MEI4: variants seen among roughly 807,000 people sequenced by gnomAD.
The protein encoded by MEI4 is meiosis-specific protein MEI4.
In MEI4, 27 loss-of-function variants were observed where a neutral mutation model predicts 31.4. That is an observed-to-expected ratio of 0.86 (90% CI 0.63 to 1.19). MEI4 has a LOEUF of 1.19. MEI4 is among the 50% of genes most tolerant of loss of function. The probability of loss-of-function intolerance (pLI) is 0.00; values close to 1 mark genes in which losing one functional copy is unlikely to be tolerated. For synonymous variants in MEI4, 122 were observed against 145.4 expected (o/e 0.84, Z 1.16); for missense variants, 329 against 398.9 (o/e 0.82, Z 1.49).
Position 77,761,121 on chromosome 6 carries a change from A to C in MEI4, c.233-9A>C. 1.6e-6 allele frequency: 2 copies of C among 1,231,558 alleles called. No homozygotes were observed. The highest frequency in any genetic ancestry group is 2.0e-6 in the Non-Finnish European group (2 of 987,572). 76.3% of individuals were successfully genotyped at this position (1,231,558 alleles called of 1,614,324 possible). On this transcript the variant is annotated splice_polypyrimidine_tract_variant and intron_variant, in intron 2 of 4. Coordinates refer to ENST00000684080, the MANE Select transcript of MEI4 (RefSeq NM_001322247.2). ...ATGAAGATAATCCTTCTATTCCTTT[A>C]TTTTTCAGGATACGTTTCCTCCCAG...
intron 4 of MEI4, among the ~76,000 whole-genome samples, chr6:77,910,990 G>T (rs1766422653): frequency 7.3e-6 from 1 of 137,238 alleles, no homozygotes; most frequent in Admixed American, 7.6e-5. Context: ...GGATCACATT[G>T]TAGTTTTTAT....
intron 4 of MEI4, among the ~76,000 whole-genome samples, chr6:77,903,144 T>C (rs965907985): frequency 1.3e-5 from 2 of 152,148 alleles, no homozygotes; most frequent in African/African-American, 4.8e-5. Flanking sequence ...TATTTCCTTT[T>C]TTTCTTTCTT....
At chr6:77,743,652 G>A (rs1186849734) in intron 2 of MEI4, among the ~76,000 whole-genome samples, 1 of 152,152 alleles carries the variant, frequency 6.6e-6, no homozygotes, top group Non-Finnish European at 1.5e-5. Flanking sequence ...CTGAGAACAG[G>A]CAGACTGCCT....
chr6:77,842,262 C>T (rs977585651), intron 4 of MEI4, among the ~76,000 whole-genome samples: 4 of 152,026 alleles, frequency 2.6e-5, no homozygotes, highest in Non-Finnish European at 5.9e-5. Context: ...AGGAGTACAT[C>T]TAGAAAACCC....
intron 4 of MEI4, among the ~76,000 whole-genome samples, chr6:77,833,999 A>G (rs914747340): frequency 6.6e-6 from 1 of 152,164 alleles, no homozygotes; most frequent in African/African-American, 2.4e-5. Flanking sequence ...TCCATGGTGT[A>G]TATGTGCCAC....
intron 3 of MEI4, among the ~76,000 whole-genome samples, chr6:77,815,871 C>A (rs753777180): frequency 9.9e-5 from 15 of 150,938 alleles, no homozygotes; most frequent in Non-Finnish European, 1.8e-4. Flanking sequence ...AAGAACATGA[C>A]TTGAATCCTT....
chr6:77,676,155 G>C (rs1227079853), intron 1 of MEI4, among the ~76,000 whole-genome samples: 2 of 152,062 alleles, frequency 1.3e-5, no homozygotes, highest in African/African-American at 4.8e-5. Context: ...CTTACAAGGA[G>C]AGATCCTCAT....
rs1004651984 is a variant in MEI4 at position 77,780,820 on chromosome 6, G to A, written c.768+19155G>A. Among the ~76,000 whole-genome samples the A allele has an allele frequency of 2.6e-3, 397 of 152,072 alleles. 5 individuals are homozygous for A. Among genetic ancestry groups the A allele is most frequent in the Non-Finnish European group, 4.3e-4 (29 of 68,010 alleles). On this transcript the variant is annotated intron_variant, in intron 3 of 4. Coordinates refer to ENST00000684080, the MANE Select transcript of MEI4 (RefSeq NM_001322247.2). ...TTGATGAGTATCTAATGTCTCTTCT[G>A]TTAAAAGTGTATGTCAGGATCATCA...
chr6:77,805,732 G>T (rs1376713883), intron 3 of MEI4, among the ~76,000 whole-genome samples: 1 of 151,996 alleles, frequency 6.6e-6, no homozygotes, highest in Non-Finnish European at 1.5e-5. Context: ...ATAGATTAAG[G>T]ATAATGTATT....
chr6:77,904,452 C>T (rs1766249204), intron 4 of MEI4, among the ~76,000 whole-genome samples: 2 of 152,088 alleles, frequency 1.3e-5, no homozygotes, highest in South Asian at 2.1e-4. Context: ...GCAATCCTCA[C>T]TCTACTCCCA....
At chr6:77,698,527 A>C (rs1178222748) in intron 2 of MEI4, among the ~76,000 whole-genome samples, 4 of 152,112 alleles carry the variant, frequency 2.6e-5, no homozygotes, top group African/African-American at 9.7e-5. Flanking sequence ...TTGCTTATGA[A>C]ACTTAGTTTG....
intron 3 of MEI4, among the ~76,000 whole-genome samples, chr6:77,795,867 A>G (rs1019637354): frequency 2.0e-5 from 3 of 152,150 alleles, no homozygotes; most frequent in Non-Finnish European, 4.4e-5. Context: ...TCATTTTTCC[A>G]AAATTTGAAG....
intron 3 of MEI4, among the ~76,000 whole-genome samples, chr6:77,797,112 G>A (rs928024983): frequency 2.6e-5 from 4 of 152,104 alleles, no homozygotes; most frequent in African/African-American, 7.2e-5. Context: ...TTTAATAAAC[G>A]GTGTTGGGAA....
intron 2 of MEI4, among the ~76,000 whole-genome samples, chr6:77,695,890 C>A (rs545142830): frequency 6.6e-6 from 1 of 151,958 alleles, no homozygotes; most frequent in East Asian, 1.9e-4. Flanking sequence ...TTCTTCCTAC[C>A]CATGAGCATG....
intron 1 of MEI4, among the ~76,000 whole-genome samples, chr6:77,665,254 G>C (rs117130182): frequency 0.063 from 9,550 of 151,486 alleles, 447 homozygotes; most frequent in Non-Finnish European, 0.1. Flanking sequence ...TATGAGGTAG[G>C]GGTGCGGAAA....
intron 1 of MEI4, among the ~76,000 whole-genome samples, chr6:77,663,322 G>GA (rs1183593598): frequency 1.3e-5 from 2 of 152,110 alleles, no homozygotes; most frequent in Admixed American, 6.5e-5. Flanking sequence ...GGGTAAGGGT[G>GA]ATTAGGTTTT....
chr6:77,909,673 A>C (rs1229416611), intron 4 of MEI4, among the ~76,000 whole-genome samples: 5 of 152,142 alleles, frequency 3.3e-5, no homozygotes, highest in African/African-American at 9.7e-5. Flanking sequence ...ATTCCAATCA[A>C]TAGAAAAAGA....
At chr6:77,663,915 C>A (rs1158491941) in intron 1 of MEI4, among the ~76,000 whole-genome samples, 1 of 152,160 alleles carries the variant, frequency 6.6e-6, no homozygotes, top group Non-Finnish European at 1.5e-5. Flanking sequence ...GTGAGTTGAA[C>A]AGTCCGATTT....
At chr6:77,867,761 T>TA (rs1771080074) in intron 4 of MEI4, among the ~76,000 whole-genome samples, 1 of 152,150 alleles carries the variant, frequency 6.6e-6, no homozygotes, top group Non-Finnish European at 1.5e-5. Flanking sequence ...TAAAGACACA[T>TA]GCACACGTGT....
Sources: gnomAD v4.1 joint callset for allele counts (sites outside exome capture counted in the v4.1 genomes callset) on GRCh38, gnomAD v4.1.1 for gene constraint, MANE v1.5 for transcripts, NCBI Gene and HGNC (gene_info 2026-07-23, HGNC 2026-07-21) for gene names.